Variants in PCNX1 observed in about 807,000 individuals in gnomAD.
PCNX1 encodes the protein pecanex-like protein 1.
Under a neutral mutation model 242.2 loss-of-function variants are expected in PCNX1, and 78 were observed. That is an observed-to-expected ratio of 0.32 (90% CI 0.27 to 0.39). The LOEUF is 0.39. PCNX1 is among the 10% of genes least tolerant of loss of function. The pLI is 1.00. For missense variants in PCNX1, 2,581 were observed against 2,856.5 expected (o/e 0.90, Z 2.20); for synonymous variants, 1,024 against 1,032.9 (o/e 0.99, Z 0.17).
At chr14:70,922,753 A>G (rs1594900872) in intron 1 of PCNX1, among the ~76,000 whole-genome samples, 1 of 144,636 alleles carries the variant, frequency 6.9e-6, no homozygotes, top group Non-Finnish European at 1.5e-5. Flanking sequence ...CATTTAGGTC[A>G]TTACCTTTTT....
chr14:71,023,916 A>C (rs2060170946), intron 13 of PCNX1, among the ~76,000 whole-genome samples: 1 of 152,148 alleles, frequency 6.6e-6, no homozygotes, highest in African/African-American at 2.4e-5. Context: ...GATGAGCAAA[A>C]TAAAACAAAG....
chr14:70,952,278 A>G (rs2057813790), intron 2 of PCNX1, among the ~76,000 whole-genome samples: 1 of 152,014 alleles, frequency 6.6e-6, no homozygotes, highest in Non-Finnish European at 1.5e-5. Flanking sequence ...AAAATTTTTT[A>G]TTGTGAAATA....
chr14:70,985,246 C>T (rs1566660357), intron 6 of PCNX1, among the ~76,000 whole-genome samples: 1 of 152,106 alleles, frequency 6.6e-6, no homozygotes, highest in East Asian at 1.9e-4. Context: ...TGGAGTTTCA[C>T]TCTTGTTGCC....
At chr14:70,908,234 C>T (rs1004317861) in intron 1 of PCNX1, among the ~76,000 whole-genome samples, 6 of 152,154 alleles carry the variant, frequency 3.9e-5, no homozygotes, top group Non-Finnish European at 8.8e-5. Flanking sequence ...GCCGCCCCCG[C>T]CCGCTCACTG....
At chr14:71,064,383 C>T (rs2061397598) in intron 26 of PCNX1, among the ~76,000 whole-genome samples, 1 of 152,080 alleles carries the variant, frequency 6.6e-6, no homozygotes, top group Non-Finnish European at 1.5e-5. Context: ...TGCTTTAATT[C>T]AGGTATCCCA....
intron 1 of PCNX1, among the ~76,000 whole-genome samples, chr14:70,915,949 A>G (rs1199721899): frequency 6.6e-6 from 1 of 152,180 alleles, no homozygotes; most frequent in Non-Finnish European, 1.5e-5. Flanking sequence ...GGGATAAAGG[A>G]TGAAGGATGA....
intron 30 of PCNX1, among the ~76,000 whole-genome samples, chr14:71,096,587 A>G (rs2062288214): frequency 6.6e-6 from 1 of 152,146 alleles, no homozygotes; most frequent in Non-Finnish European, 1.5e-5. Flanking sequence ...TAATAGAACT[A>G]TTTTCTAAAA....
intron 19 of PCNX1, among the ~76,000 whole-genome samples, chr14:71,039,663 A>G (rs543162208): frequency 4.7e-4 from 71 of 152,232 alleles, no homozygotes; most frequent in Non-Finnish European, 8.4e-4. Context: ...GAAGCATTTC[A>G]GAAGCTGACT....
chr14:71,050,631 G>C lies in PCNX1; in HGVS notation c.4339-21G>C, dbSNP rs117022991. 0.011 allele frequency: 17,382 copies of C among 1,525,928 alleles called. 148 individuals carry two copies. The highest frequency in any genetic ancestry group is 0.014 in the East Asian group (581 of 41,672). The allele number at this position is 1,525,928 out of a possible 1,614,324, so 94.5% of individuals were successfully genotyped here. A position where few individuals can be genotyped will look rare whatever the true frequency, so the allele number is the denominator to read the frequency against. ...ATAAGTTTTTTTTTTTTTACTGACA[G>C]CCATTCTTTTCCTCCTGCAGCTTTG... is the stretch of plus-strand genomic sequence containing the variant. On this transcript the variant is annotated intron_variant, in intron 22 of 35. Coordinates refer to ENST00000304743, the MANE Select transcript of PCNX1 (RefSeq NM_014982.3).
intron 25 of PCNX1, 74 bp downstream of exon 25, chr14:71,055,636 T>C: frequency 4.7e-6 from 4 of 847,024 alleles, no homozygotes; most frequent in African/African-American, 1.7e-5. Flanking sequence ...TATTCACTCC[T>C]AACTTGTTGG....
At chr14:70,994,402 T>TATATATATATA (rs372789285) in intron 7 of PCNX1, among the ~76,000 whole-genome samples, 1 of 41,186 alleles carries the variant, frequency 2.4e-5, no homozygotes, top group Non-Finnish European at 4.6e-5. Flanking sequence ...TTAAGATATA[T>TATATATATATA]ATATATATAT....
chr14:71,006,092 CGTGTGTGTGTCTGTGTGTGTGTGT>C (rs1372549280), intron 8 of PCNX1, among the ~76,000 whole-genome samples: 17 of 129,220 alleles, frequency 1.3e-4, no homozygotes, highest in Non-Finnish European at 2.0e-4. Flanking sequence ...CCAGCTAGTA[CGTGTGTGTGTCTGTGTGTGTGTGT>C]GTGTGTGTGT....
chr14:71,065,215 A>G (rs1466906616), intron 26 of PCNX1, among the ~76,000 whole-genome samples: 1 of 152,196 alleles, frequency 6.6e-6, no homozygotes, highest in Non-Finnish European at 1.5e-5. Context: ...CAATGGTTGA[A>G]CTAATTTACA....
At chr14:71,090,553 C>T (rs2062102677) in intron 30 of PCNX1, among the ~76,000 whole-genome samples, 1 of 152,086 alleles carries the variant, frequency 6.6e-6, no homozygotes, top group Non-Finnish European at 1.5e-5. Context: ...GAGGATGTTG[C>T]CCTGGGGAAA....
At chr14:70,954,648 T>C (rs1285458152) in intron 2 of PCNX1, among the ~76,000 whole-genome samples, 1 of 152,226 alleles carries the variant, frequency 6.6e-6, no homozygotes, top group Non-Finnish European at 1.5e-5. Flanking sequence ...TGTCGCAGTT[T>C]ATTTTGTGTC....
rs2062066770 is a variant in PCNX1, at chr14:71,089,175, A to T, written c.5439-17A>T. Reference sequence around the variant, plus strand: ...CCTTTGTCAAAACATGTGAACTTTTATCTCCAATCTTAACAGTAATTTAGA... The same window carrying T: ...CCTTTGTCAAAACATGTGAACTTTTTTCTCCAATCTTAACAGTAATTTAGA... On this transcript the variant is annotated splice_polypyrimidine_tract_variant and intron_variant, in intron 29 of 35. Transcript: ENST00000304743. 1 of 1,580,784 alleles carries T rather than the reference A, an allele frequency of 6.3e-7. No homozygotes were observed. Among genetic ancestry groups the T allele is most frequent in the East Asian group, 2.3e-5 (1 of 43,948 alleles).
intron 26 of PCNX1, among the ~76,000 whole-genome samples, chr14:71,071,676 G>C (rs1254143530): frequency 6.6e-6 from 1 of 152,150 alleles, no homozygotes; most frequent in Non-Finnish European, 1.5e-5. Flanking sequence ...GCAGAACTGT[G>C]AGCCAGTTAA....
rs150967190 is a variant in PCNX1, at chr14:71,092,066, G to A, written c.5589+2724G>A. On this transcript the variant is annotated intron_variant, in intron 30 of 35. Transcript: ENST00000304743. ...ACTAGTGATGCTGAAAGGGCCCCACGAAACAGAGAAAAGTCATGACATTAA... is the reference window on the plus strand; with the variant it reads ...ACTAGTGATGCTGAAAGGGCCCCACAAAACAGAGAAAAGTCATGACATTAA... 8.9e-3 allele frequency among the ~76,000 whole-genome samples: 1,354 copies of A among 152,270 alleles called. 8 individuals carry two copies. The highest frequency in any genetic ancestry group is 0.017 in the South Asian group (81 of 4,830).
intron 2 of PCNX1, among the ~76,000 whole-genome samples, chr14:70,949,404 TACATATATATGTACATATATAC>T (rs1180431729): frequency 1.3e-5 from 2 of 151,296 alleles, no homozygotes; most frequent in South Asian, 4.1e-4. Flanking sequence ...TGTGTGTGTG[TACATATATATGTACATATATAC>T]ACGTATATAT....
Sources: allele counts gnomAD v4.1 joint callset (sites outside exome capture counted in the v4.1 genomes callset), GRCh38; gene constraint gnomAD v4.1.1; transcripts MANE v1.5; gene names NCBI Gene and HGNC (gene_info 2026-07-23, HGNC 2026-07-21).